Variants in UNC13C observed in about 807,000 individuals in gnomAD.
UNC13C encodes the protein unc-13 homolog C.
A neutral mutation model predicts 245.4 loss-of-function variants in UNC13C; 174 were observed. That is an observed-to-expected ratio of 0.71 (90% confidence interval 0.63 to 0.80). The LOEUF (loss-of-function observed/expected upper bound fraction) is 0.80. Among genes scored for constraint, UNC13C ranks in the 30% least tolerant of loss-of-function variants. The pLI is 0.00. For missense variants in UNC13C, 2,829 were observed against 2,602.9 expected, an observed-to-expected ratio of 1.09 and a Z score of -1.89; for synonymous variants, 992 against 895.1, an observed-to-expected ratio of 1.11 and a Z score of -1.93.
At chr15:54,359,592 A>G (rs2039180952) in intron 17 of UNC13C, among the ~76,000 whole-genome samples, 1 of 151,810 alleles carries the variant, frequency 6.6e-6, no homozygotes, top group South Asian at 2.1e-4. Flanking sequence ...TCAGGAATTT[A>G]TACATTTCTT....
chr15:53,841,744 T>G, the UNC13C span, among the ~76,000 whole-genome samples: 6 of 152,166 alleles, frequency 3.9e-5, no homozygotes, highest in African/African-American at 1.4e-4. Flanking sequence ...TGGAAGATCG[T>G]CAGGGGTCTC....
chr15:53,882,558 A>G, the UNC13C span, among the ~76,000 whole-genome samples: 2 of 152,192 alleles, frequency 1.3e-5, no homozygotes, highest in Admixed American at 6.6e-5. Context: ...TTAAGAAAAG[A>G]CATTTCAATA....
intron 19 of UNC13C, among the ~76,000 whole-genome samples, chr15:54,438,172 T>TA (rs1237895336): frequency 6.6e-6 from 1 of 151,930 alleles, no homozygotes; most frequent in Non-Finnish European, 1.5e-5. Flanking sequence ...CTTTTCAATG[T>TA]AAAATCACCT....
intron 8 of UNC13C, among the ~76,000 whole-genome samples, chr15:54,256,612 A>G (rs2036284707): frequency 6.6e-6 from 1 of 152,176 alleles, no homozygotes; most frequent in Non-Finnish European, 1.5e-5. Context: ...GATGTTACTC[A>G]CCCCATAGTC....
chr15:54,189,367 T>C lies in UNC13C; in HGVS notation c.3072-45663T>C, dbSNP rs577228176. On this transcript the variant is annotated intron_variant, in intron 4 of 32. Transcript: ENST00000260323. The stretch of plus-strand genomic sequence containing the variant: ...TAAAGTGGGCCCTCTGATGGTACGA[T>C]TTTTTTTAAATTCAATTTATTTTAA... Among the ~76,000 whole-genome samples, 16 of 152,336 alleles carry C rather than the reference T, an allele frequency of 1.1e-4. No homozygotes were observed. In the East Asian group the frequency reaches 3.1e-3, roughly 29 times the overall value.
At chr15:53,869,416 T>A in the UNC13C span, among the ~76,000 whole-genome samples, 21 of 101,498 alleles carry the variant, frequency 2.1e-4, no homozygotes, top group Admixed American at 1.1e-4. Context: ...TACTCCACGA[T>A]GTCATGCCAA....
chr15:54,147,814 G>GTGTGTGTGTGTA (rs1262798042), intron 4 of UNC13C, among the ~76,000 whole-genome samples: 1 of 151,450 alleles, frequency 6.6e-6, no homozygotes, highest in Non-Finnish European at 1.5e-5. Flanking sequence ...GTGTGTGTAT[G>GTGTGTGTGTGTA]TGTGTGTCTA....
intron 4 of UNC13C, among the ~76,000 whole-genome samples, chr15:54,189,737 T>C (rs1416824533): frequency 1.3e-5 from 2 of 152,162 alleles, no homozygotes; most frequent in African/African-American, 4.8e-5. Context: ...ACAGTGTTAG[T>C]TGTGGCAAAG....
At chr15:54,463,986 G>C (rs11633610) in intron 19 of UNC13C, among the ~76,000 whole-genome samples, 22,351 of 152,092 alleles carry the variant, frequency 0.15, 1,983 homozygotes, top group Middle Eastern at 0.21. Flanking sequence ...TATTAAAATC[G>C]CAACAAATGA....
chr15:53,907,721 A>ATTAGCACGGGCTGT, the UNC13C span, among the ~76,000 whole-genome samples: 2 of 149,160 alleles, frequency 1.3e-5, no homozygotes, highest in African/African-American at 2.4e-5. Context: ...ATTATTATCT[A>ATTAGCACGGGCTGT]AAGAATTATT....
intron 19 of UNC13C, among the ~76,000 whole-genome samples, chr15:54,456,598 ATT>A (rs1891545989): frequency 8.0e-6 from 1 of 125,352 alleles, no homozygotes; most frequent in Non-Finnish European, 1.8e-5. Context: ...TATTTTATTT[ATT>A]TATTTATTTA....
At chr15:54,380,101 T>C (rs1191882943) in intron 17 of UNC13C, among the ~76,000 whole-genome samples, 1 of 152,102 alleles carries the variant, frequency 6.6e-6, no homozygotes, top group Non-Finnish European at 1.5e-5. Context: ...AACTAAAATT[T>C]TGTGTCCTTT....
Position 54,265,339 on chromosome 15 carries a change from T to C in UNC13C, c.3677-16T>C. 6.8e-7 allele frequency: 1 copy of C among 1,464,236 alleles called. No individual in the cohort carries two copies. 90.7% of individuals were successfully genotyped at this position (1,464,236 alleles called of 1,614,324 possible). On this transcript the variant is annotated splice_polypyrimidine_tract_variant and intron_variant, in intron 9 of 32. Transcript: ENST00000260323. ...AGGACTCTGTATGTTAAAATGTTTA[T>C]TTTGGTTTATTTCAGTGGTTTCTGC...
At chr15:54,539,776 T>G (rs1184191319) in intron 26 of UNC13C, among the ~76,000 whole-genome samples, 1 of 152,082 alleles carries the variant, frequency 6.6e-6, no homozygotes, top group African/African-American at 2.4e-5. Flanking sequence ...AACTATTAGC[T>G]GAGTGACTTT....
intron 30 of UNC13C, among the ~76,000 whole-genome samples, chr15:54,596,634 G>A (rs1899098407): frequency 6.6e-6 from 1 of 152,306 alleles, no homozygotes; most frequent in Admixed American, 6.5e-5. Flanking sequence ...CTCGCATGTT[G>A]ACACGTGATC....
At chr15:54,237,869 C>G (rs1048352093) in intron 7 of UNC13C, among the ~76,000 whole-genome samples, 179 bp downstream of exon 7, 4 of 152,128 alleles carry the variant, frequency 2.6e-5, no homozygotes, top group Non-Finnish European at 5.9e-5. Flanking sequence ...CAATCATTGT[C>G]TTCTCCTCAA....
chr15:54,328,210 G>T (rs994166296), intron 14 of UNC13C, among the ~76,000 whole-genome samples: 11 of 151,978 alleles, frequency 7.2e-5, no homozygotes, highest in African/African-American at 2.4e-4. Flanking sequence ...TTTCATAATA[G>T]TATGATATTT....
chr15:54,107,503 G>T (rs994491886), intron 2 of UNC13C, among the ~76,000 whole-genome samples: 1 of 152,124 alleles, frequency 6.6e-6, no homozygotes, highest in East Asian at 1.9e-4. Flanking sequence ...TGATGACCTG[G>T]TTCCCATTTT....
the UNC13C span, among the ~76,000 whole-genome samples, chr15:53,970,131 C>T: frequency 1.3e-5 from 2 of 151,720 alleles, no homozygotes; most frequent in African/African-American, 4.8e-5. Flanking sequence ...GCTCACTCCT[C>T]ACTCCAACCT....
Sources: allele counts gnomAD v4.1 joint callset (sites outside exome capture counted in the v4.1 genomes callset), GRCh38; gene constraint gnomAD v4.1.1; transcripts MANE v1.5; gene names NCBI Gene and HGNC (gene_info 2026-07-23, HGNC 2026-07-21).